Variants in GOLT1A observed in about 807,000 individuals in gnomAD.
GOLT1A encodes golgi transport 1A.
GOLT1A carries 10 observed loss-of-function variants against 16.1 expected under a neutral mutation model. The observed-to-expected ratio is 0.62, with a 90% confidence interval of 0.38 to 1.05. The LOEUF (loss-of-function observed/expected upper bound fraction) is 1.05. Ranked by LOEUF, GOLT1A falls within the 50% of genes least tolerant of loss-of-function variation. The pLI is 0.01. For missense variants in GOLT1A, 137 were observed against 165.7 expected, an observed-to-expected ratio of 0.83 and a Z score of 0.95; for synonymous variants, 60 against 67.9, an observed-to-expected ratio of 0.88 and a Z score of 0.57.
In GOLT1A at chr1:204,211,619, T is replaced by C. The variant is rs896233407; in HGVS notation, c.25+2263A>G. On this transcript the variant is annotated intron_variant, in intron 1 of 4. Coordinates refer to ENST00000308302, the MANE Select transcript of GOLT1A (RefSeq NM_198447.2). Reference sequence around the variant, plus strand: ...ATCATATTTGGTAAGAGTATATTACTTGCAGGCTAATTGGTTTAACAAAGT... The same window carrying C: ...ATCATATTTGGTAAGAGTATATTACCTGCAGGCTAATTGGTTTAACAAAGT... Among the ~76,000 whole-genome samples, 6 of 152,318 alleles carry C rather than the reference T, an allele frequency of 3.9e-5. 1 individual carries two copies. The highest frequency in any genetic ancestry group is 1.9e-4 in the East Asian group (1 of 5,184).
rs139049472 is a variant in GOLT1A at position 204,208,777 on chromosome 1, C to T, written c.25+5105G>A. On this transcript the variant is annotated intron_variant, in intron 1 of 4. Coordinates refer to ENST00000308302, the MANE Select transcript of GOLT1A (RefSeq NM_198447.2). The stretch of plus-strand genomic sequence containing the variant: ...ATGTACACTGCTCGGGTGATGGGTG[C>T]ACCAAAATCTCAGAAATCACACTAA... 2.1e-3 allele frequency among the ~76,000 whole-genome samples: 323 copies of T among 151,950 alleles called. 1 individual carries two copies. The highest frequency in any genetic ancestry group is 7.5e-3 in the African/African-American group (309 of 41,424).
intron 3 of GOLT1A, among the ~76,000 whole-genome samples, 182 bp from the exon 4 acceptor site, chr1:204,199,440 G>A (rs1014115711): frequency 4.6e-5 from 7 of 152,158 alleles, no homozygotes; most frequent in African/African-American, 1.7e-4. Context: ...GAAGGCCCCA[G>A]GGTCACACTC....
chr1:204,202,980 A>G lies in GOLT1A; in HGVS notation c.33T>C (p.Gly11=), dbSNP rs1003405222. 9 of 1,613,768 alleles carry G rather than the reference A, an allele frequency of 5.6e-6. No homozygotes were observed. The highest frequency in any genetic ancestry group is 1.6e-4 in the Middle Eastern group (1 of 6,064). The change falls in exon 2 of 5, where the codon GGT becomes GGC. Residue 11 remains glycine, a synonymous_variant. Coordinates refer to ENST00000308302, the MANE Select transcript of GOLT1A (RefSeq NM_198447.2). ...AGATGCCGAAACCGGTGATCCCCACACCAATCTCTGCAATGGGCAAGGAGG... is the reference window on the plus strand; with the variant it reads ...AGATGCCGAAACCGGTGATCCCCACGCCAATCTCTGCAATGGGCAAGGAGG... The part of the protein sequence containing the change: MISITEWQKI[G]VGITGFGIFF...
intron 1 of GOLT1A, among the ~76,000 whole-genome samples, chr1:204,203,731 C>T (rs540737593): frequency 1.3e-5 from 2 of 152,116 alleles, no homozygotes; most frequent in East Asian, 3.9e-4. Flanking sequence ...ACTCTCATTT[C>T]AGCCCAGTGG....
intron 1 of GOLT1A, among the ~76,000 whole-genome samples, chr1:204,204,767 C>A (rs948511687): frequency 2.6e-5 from 4 of 152,184 alleles, no homozygotes; most frequent in African/African-American, 4.8e-5. Flanking sequence ...GTGACTGCAC[C>A]ATTTAACATT....
Position 204,198,294 on chromosome 1 carries a change from G to T in GOLT1A, c.*164C>A. The T allele has an allele frequency of 1.6e-6, 1 of 640,468 alleles. No homozygotes were observed. Among genetic ancestry groups the T allele is most frequent in the Non-Finnish European group, 2.7e-6 (1 of 371,028 alleles). The allele number at this position is 640,468 out of a possible 1,614,324, so 39.7% of individuals were successfully genotyped here. The stretch of plus-strand genomic sequence containing the variant: ...TCCTGGCAGCCTCTTGAGTCGACTT[G>T]GGGATTTGACGTCAGTTGCTCAGCT... On this transcript the variant is annotated 3_prime_UTR_variant, in exon 5 of 5. Coordinates refer to ENST00000308302, the MANE Select transcript of GOLT1A (RefSeq NM_198447.2).
At chr1:204,211,439 G>A (rs2102341030) in intron 1 of GOLT1A, among the ~76,000 whole-genome samples, 1 of 152,302 alleles carries the variant, frequency 6.6e-6, no homozygotes, top group Non-Finnish European at 1.5e-5. Context: ...CGTACATGCA[G>A]TTTCCTGGTC....
chr1:204,210,093 A>C (rs1278339937), intron 1 of GOLT1A, among the ~76,000 whole-genome samples: 1 of 152,298 alleles, frequency 6.6e-6, no homozygotes, highest in East Asian at 1.9e-4. Flanking sequence ...AAAAATAAAA[A>C]GTGCCTTTAA....
intron 3 of GOLT1A, 30 bp downstream of exon 3, chr1:204,201,603 C>G: frequency 6.2e-7 from 1 of 1,605,150 alleles, no homozygotes; most frequent in Non-Finnish European, 8.5e-7. Flanking sequence ...TTTGGTGGGT[C>G]TGTCCAGGGT....
chr1:204,199,842 T>A (rs1196853318), intron 3 of GOLT1A, among the ~76,000 whole-genome samples: 1 of 152,100 alleles, frequency 6.6e-6, no homozygotes, highest in Non-Finnish European at 1.5e-5. Flanking sequence ...TGCAGACACA[T>A]GCGTGACCCC....
intron 1 of GOLT1A, 59 bp from the exon 2 acceptor site, chr1:204,203,046 A>C: frequency 7.3e-7 from 1 of 1,371,528 alleles, no homozygotes; most frequent in Non-Finnish European, 1.0e-6. Flanking sequence ...GGGGACCCTG[A>C]AACTTCCCCC....
intron 3 of GOLT1A, among the ~76,000 whole-genome samples, 168 bp from the exon 4 acceptor site, chr1:204,199,426 GA>G (rs1658916679): frequency 6.6e-6 from 1 of 152,082 alleles, no homozygotes; most frequent in Non-Finnish European, 1.5e-5. Context: ...ACATGATTAA[GA>G]ATGAAGGCCC....
At chr1:204,205,449 C>T (rs969456099) in intron 1 of GOLT1A, among the ~76,000 whole-genome samples, 18 of 152,216 alleles carry the variant, frequency 1.2e-4, no homozygotes, top group Admixed American at 7.2e-4. Flanking sequence ...TTGATGCCCT[C>T]GTCAAAAATT....
Position 204,213,969 on chromosome 1 carries a change from C to T in GOLT1A, c.-63G>A. 6.3e-7 allele frequency: 1 copy of T among 1,579,116 alleles called. No individual in the cohort carries two copies. Among genetic ancestry groups the T allele is most frequent in the East Asian group, 2.3e-5 (1 of 44,012 alleles). On this transcript the variant is annotated 5_prime_UTR_variant, in exon 1 of 5. Coordinates refer to ENST00000308302, the MANE Select transcript of GOLT1A (RefSeq NM_198447.2). ...GGCAAGTGGAGCGTGGCCCAGAGGA[C>T]GCAGCTGGTACATGGTCACGGGAAG...
intron 4 of GOLT1A, 76 bp from the exon 5 acceptor site, chr1:204,198,572 C>T (rs1429078812): frequency 5.0e-6 from 7 of 1,410,786 alleles, no homozygotes; most frequent in Non-Finnish European, 6.9e-6. Context: ...CAGAGCTGGC[C>T]TTGAGAGCCA....
intron 1 of GOLT1A, among the ~76,000 whole-genome samples, chr1:204,212,046 C>A (rs1408075598): frequency 6.6e-6 from 1 of 152,128 alleles, no homozygotes; most frequent in African/African-American, 2.4e-5. Context: ...CAGCCCAGGC[C>A]TCTACCTGGA....
At chr1:204,201,857 G>C (rs760173163) in intron 2 of GOLT1A, 46 bp from the exon 3 acceptor site, 6 of 1,574,794 alleles carry the variant, frequency 3.8e-6, no homozygotes, top group Non-Finnish European at 5.2e-6. Context: ...CCAGCCCCCT[G>C]AGGAGTGAGG....
intron 1 of GOLT1A, among the ~76,000 whole-genome samples, chr1:204,213,207 G>A (rs1659165936): frequency 6.6e-6 from 1 of 152,240 alleles, no homozygotes; most frequent in Admixed American, 6.5e-5. Context: ...ATGTAAGCAG[G>A]GAGTCAGTTT....
rs6689599 is a variant in GOLT1A, at chr1:204,202,932, G to C, written c.81C>G (p.Leu27=). ...CCAGGAGCACGGAATCAAAGTACAG[G>C]AGTGTTCCAAAGAGGATGAAGAAGA... ...FGIFFILFGT[L]LYFDSVLLAF... The change falls in exon 2 of 5, where the codon CTC becomes CTG. Residue 27 remains leucine (L), a synonymous_variant. Coordinates refer to ENST00000308302, the MANE Select transcript of GOLT1A (RefSeq NM_198447.2). 93,237 of 1,612,568 alleles carry C rather than the reference G, an allele frequency of 0.058. 3,998 individuals carry two copies. Among genetic ancestry groups the C allele is most frequent in the African/African-American group, 0.22 (16,751 of 74,838 alleles).
Sources: gnomAD v4.1 joint callset for allele counts (sites outside exome capture counted in the v4.1 genomes callset) on GRCh38, gnomAD v4.1.1 for gene constraint, MANE v1.5 for transcripts, NCBI Gene and HGNC (gene_info 2026-07-23, HGNC 2026-07-21) for gene names.